PRKN: variants seen among roughly 807,000 people sequenced by gnomAD.
The protein encoded by PRKN is E3 ubiquitin-protein ligase parkin.
A neutral mutation model predicts 59.5 loss-of-function variants in PRKN; 56 were observed. The observed-to-expected ratio is 0.94, with a 90% confidence interval of 0.76 to 1.18. The LOEUF is 1.18. Ranked by LOEUF, PRKN falls within the 50% of genes most tolerant of loss-of-function variation. The pLI, the probability that PRKN is intolerant of heterozygous loss-of-function variation, is 0.00. For missense variants in PRKN, 657 were observed against 596.4 expected, an observed-to-expected ratio of 1.10 and a Z score of -1.06; for synonymous variants, 250 against 222.1, an observed-to-expected ratio of 1.13 and a Z score of -1.12.
chr6:161,975,913 A>G (rs1274783144), intron 5 of PRKN, among the ~76,000 whole-genome samples: 4 of 151,898 alleles, frequency 2.6e-5, no homozygotes, highest in African/African-American at 7.3e-5. Flanking sequence ...GTGCCATTTT[A>G]CTTTTTTTTT....
At chr6:161,542,553 A>G (rs898586216) in intron 9 of PRKN, among the ~76,000 whole-genome samples, 2 of 152,258 alleles carry the variant, frequency 1.3e-5, no homozygotes, top group Admixed American at 6.5e-5. Flanking sequence ...AGCGAGGCTT[A>G]TTTCCAATCT....
At chr6:162,666,605 C>T (rs1443478838) in intron 1 of PRKN, among the ~76,000 whole-genome samples, 1 of 152,012 alleles carries the variant, frequency 6.6e-6, no homozygotes, top group Non-Finnish European at 1.5e-5. Flanking sequence ...TTTTATAATG[C>T]TTTTATGTCA....
chr6:162,288,425 T>C (rs1386718785), intron 2 of PRKN, among the ~76,000 whole-genome samples: 2 of 152,048 alleles, frequency 1.3e-5, no homozygotes, highest in Non-Finnish European at 2.9e-5. Flanking sequence ...ATACGTCAAG[T>C]CTGTAATCGG....
intron 9 of PRKN, among the ~76,000 whole-genome samples, chr6:161,450,633 T>C (rs959800697): frequency 3.3e-5 from 5 of 152,168 alleles, no homozygotes; most frequent in African/African-American, 9.7e-5. Flanking sequence ...CTCAGCTCAC[T>C]GCAACCTCTG....
Position 161,363,194 on chromosome 6 carries a change from A to G in PRKN, c.1168-2989T>C, listed in dbSNP as rs1477052246. On this transcript the variant is annotated intron_variant, in intron 10 of 11. Transcript: ENST00000366898. The surrounding 1 kb of genome is among the most constrained non-coding windows in gnomAD (Gnocchi z 4.1). ...GGGGCAGAGGTTGCAGTGAGCCGAG[A>G]TTTTGCCACTGCATTCCAGTCCCGG... is the stretch of plus-strand genomic sequence containing the variant. 6.6e-6 allele frequency among the ~76,000 whole-genome samples: 1 copy of G among 152,180 alleles called. No homozygotes were observed. Among genetic ancestry groups the G allele is most frequent in the African/African-American group, 2.4e-5 (1 of 41,434 alleles).
intron 9 of PRKN, among the ~76,000 whole-genome samples, chr6:161,506,632 AAAG>A (rs1477014966): frequency 6.6e-6 from 1 of 152,236 alleles, no homozygotes; most frequent in Non-Finnish European, 1.5e-5. Flanking sequence ...ACAAGTGCAG[AAAG>A]GAGGATGATG....
chr6:161,421,235 G>A (rs73606946), intron 9 of PRKN, among the ~76,000 whole-genome samples: 4,166 of 152,212 alleles, frequency 0.027, 201 homozygotes, highest in African/African-American at 0.095. Flanking sequence ...TTGAGTGGGG[G>A]TACTTAAGTA....
rs543213561 is a variant in PRKN at position 161,527,918 on chromosome 6, C to T, written c.1083+20936G>A. Among the ~76,000 whole-genome samples the T allele has an allele frequency of 1.3e-5, 2 of 152,330 alleles. No individual in the cohort carries two copies. The highest frequency in any genetic ancestry group is 4.1e-4 in the South Asian group (2 of 4,826). On this transcript the variant is annotated intron_variant, in intron 9 of 11. Transcript: ENST00000366898. This position sits in a 1 kb window ranked among gnomAD's most constrained non-coding sequence, Gnocchi z 4.6. ...ACCCCAAGGCCACAGGCATTACTGCCTCCTTTAACACAGCACTGCTTTTAA... is the reference window on the plus strand; with the variant it reads ...ACCCCAAGGCCACAGGCATTACTGCTTCCTTTAACACAGCACTGCTTTTAA...
chr6:161,372,077 A>C lies in PRKN; in HGVS notation c.1168-11872T>G, dbSNP rs1052567875. On this transcript the variant is annotated intron_variant, in intron 10 of 11. Transcript: ENST00000366898. The surrounding 1 kb of genome is among the most constrained non-coding windows in gnomAD (Gnocchi z 4.2). ...TGCTTCCTAAAGGGGAAGTGAATTA[A>C]AATAATATCTATCAACCTATTTTGA... Among the ~76,000 whole-genome samples the C allele has an allele frequency of 1.3e-5, 2 of 152,246 alleles. No homozygotes were observed. Among genetic ancestry groups the C allele is most frequent in the African/African-American group, 2.4e-5 (1 of 41,462 alleles).
At chr6:162,562,523 C>A (rs1169179770) in intron 1 of PRKN, among the ~76,000 whole-genome samples, 1 of 152,114 alleles carries the variant, frequency 6.6e-6, no homozygotes, top group East Asian at 1.9e-4. Flanking sequence ...GACTTAAGAG[C>A]CTTTGGGCCT....
At position 161,378,549 on chromosome 6, in the gene PRKN, G is replaced by C. The variant is rs1019669894; in HGVS notation, c.1167+8245C>G. ...GGAAGTGACTCCTTTTCTGGGTGTG[G>C]GTTTGCCTTTCTTGGCAACAGAGCC... On this transcript the variant is annotated intron_variant, in intron 10 of 11. Transcript: ENST00000366898. The surrounding 1 kb of genome is among the most constrained non-coding windows in gnomAD (Gnocchi z 7.3). 6.6e-6 allele frequency among the ~76,000 whole-genome samples: 1 copy of C among 152,168 alleles called. No homozygotes were observed. The highest frequency in any genetic ancestry group is 1.5e-5 in the Non-Finnish European group (1 of 68,030).
intron 3 of PRKN, among the ~76,000 whole-genome samples, chr6:162,220,836 T>C: frequency 6.6e-6 from 1 of 152,200 alleles, no homozygotes; most frequent in East Asian, 1.9e-4. Flanking sequence ...AGCAGGGATT[T>C]GCAGTGAAAG....
chr6:162,558,043 T>C (rs557941206), intron 1 of PRKN, among the ~76,000 whole-genome samples: 51 of 152,208 alleles, frequency 3.4e-4, no homozygotes, highest in Admixed American at 5.9e-4. Context: ...GGTGAGAACC[T>C]ATATATTAAT....
chr6:162,284,169 A>G (rs1343591019), intron 2 of PRKN, among the ~76,000 whole-genome samples: 1 of 145,028 alleles, frequency 6.9e-6, no homozygotes, highest in African/African-American at 2.5e-5. Flanking sequence ...AATTTCAGAG[A>G]TTTTGAAGGG....
At chr6:162,659,785 T>A in intron 1 of PRKN, among the ~76,000 whole-genome samples, 1 of 152,252 alleles carries the variant, frequency 6.6e-6, no homozygotes, top group East Asian at 1.9e-4. Context: ...ATTTTCATCA[T>A]GGAAAATGAA....
At chr6:162,498,124 T>G (rs1024959124) in intron 1 of PRKN, among the ~76,000 whole-genome samples, 1 of 152,154 alleles carries the variant, frequency 6.6e-6, no homozygotes, top group African/African-American at 2.4e-5. Context: ...TGATGAGATC[T>G]CTAAACCAGT....
chr6:161,551,376 T>C lies in PRKN; in HGVS notation c.934-2373A>G, dbSNP rs760954644. The stretch of plus-strand genomic sequence containing the variant: ...ATTATTCGTAAAGCTCGACACTAGG[T>C]TAGATCTATGACACTCTGACCATGT... On this transcript the variant is annotated intron_variant, in intron 8 of 11. Coordinates refer to ENST00000366898, the MANE Select transcript of PRKN (RefSeq NM_004562.3). This position sits in a 1 kb window ranked among gnomAD's most constrained non-coding sequence, Gnocchi z 5.2. Among the ~76,000 whole-genome samples the C allele has an allele frequency of 1.3e-5, 2 of 152,148 alleles. No homozygotes were observed. Among genetic ancestry groups the C allele is most frequent in the Non-Finnish European group, 2.9e-5 (2 of 68,034 alleles).
rs547099150 is a variant in PRKN, at chr6:162,152,232, TATTGTG to T, written c.534+48893_534+48898del. 3.8e-3 allele frequency among the ~76,000 whole-genome samples: 586 copies of T among 152,304 alleles called. 4 individuals carry two copies. The highest frequency in any genetic ancestry group is 0.014 in the Middle Eastern group (4 of 294). On this transcript the variant is annotated intron_variant, in intron 4 of 11. Coordinates refer to ENST00000366898, the MANE Select transcript of PRKN (RefSeq NM_004562.3). ...GCTTTTCATTGATTAAGTAAGGTCTTATTGTGATTGGCTCACATCGTTTCCTAGTAT... is the reference window on the plus strand; with the variant it reads ...GCTTTTCATTGATTAAGTAAGGTCTTATTGGCTCACATCGTTTCCTAGTAT...
intron 2 of PRKN, among the ~76,000 whole-genome samples, chr6:162,364,707 C>G (rs1785330019): frequency 6.6e-6 from 1 of 152,034 alleles, no homozygotes; most frequent in South Asian, 2.1e-4. Flanking sequence ...AAATTTAAAC[C>G]AGAAAATGGC....
Sources: gnomAD v4.1 joint callset for allele counts (sites outside exome capture counted in the v4.1 genomes callset) on GRCh38, gnomAD v4.1.1 for gene constraint, Gnocchi (gnomAD v3.1) non-coding constraint, MANE v1.5 for transcripts, NCBI Gene and HGNC (gene_info 2026-07-23, HGNC 2026-07-21) for gene names.